The following DCUN1D4 variants were observed in gnomAD, a reference collection of about 807,000 sequenced individuals.
DCUN1D4 encodes DCN1-like protein 4.
In DCUN1D4, 22 loss-of-function variants were observed where a neutral mutation model predicts 47.9. That is an observed-to-expected ratio of 0.46 (90% CI 0.33 to 0.66). The LOEUF (loss-of-function observed/expected upper bound fraction) is 0.66, where lower values mean the gene tolerates loss of function less well. DCUN1D4 is among the 30% of genes least tolerant of loss of function. The pLI, the probability that DCUN1D4 is intolerant of heterozygous loss-of-function variation, is 0.02. For synonymous variants in DCUN1D4, 121 were observed against 112.2 expected (o/e 1.08, Z -0.50); for missense variants, 301 against 340.8 (o/e 0.88, Z 0.92).
chr4:51,898,133 A>G (rs1205180667), intron 7 of DCUN1D4, among the ~76,000 whole-genome samples: 1 of 152,156 alleles, frequency 6.6e-6, no homozygotes, highest in Non-Finnish European at 1.5e-5. Flanking sequence ...GAGGAATAGG[A>G]GATTAAAGGA....
chr4:51,838,871 T>G (rs1721561320), upstream of DCUN1D4, among the ~76,000 whole-genome samples: 1 of 152,126 alleles, frequency 6.6e-6, no homozygotes, highest in Non-Finnish European at 1.5e-5. Flanking sequence ...GGTCAGGAGT[T>G]TGAGACCATC....
At chr4:51,849,355 A>C (rs941813645) in intron 1 of DCUN1D4, among the ~76,000 whole-genome samples, 2 of 152,060 alleles carry the variant, frequency 1.3e-5, no homozygotes, top group African/African-American at 4.8e-5. Context: ...AGGCATTGTT[A>C]TGGCCAGGGG....
chr4:51,892,172 A>G (rs769952264), intron 7 of DCUN1D4, among the ~76,000 whole-genome samples: 3 of 152,254 alleles, frequency 2.0e-5, no homozygotes, highest in Non-Finnish European at 4.4e-5. Context: ...TAATAGCTAC[A>G]TGTAAAAGTA....
In DCUN1D4 at chr4:51,874,372, A is replaced by C; in HGVS notation, c.238A>C (p.Ser80Arg). The C allele has an allele frequency of 6.2e-7, 1 of 1,611,840 alleles. No homozygotes were observed. Among genetic ancestry groups the C allele is most frequent in the Non-Finnish European group, 8.5e-7 (1 of 1,178,398 alleles). Residue 80 changes from serine (S) to arginine (R), a missense_variant, in exon 4 of 11, where the codon AGT (serine) becomes CGT (arginine). Physicochemically the swap from Ser to Arg is moderately radical, Grantham distance 110. Around this residue, in one of 2 missense-constraint regions of DCUN1D4, gnomAD observed 131 missense variants for 106.3 expected, o/e 1.23. Coordinates refer to ENST00000334635, the MANE Select transcript of DCUN1D4 (RefSeq NM_001040402.3). The stretch of plus-strand genomic sequence containing the variant: ...TGGAGATGATTTATCTGCCAAGAAA[A>C]GTAGACATGATAGGTATGATGTAGA... Reference protein sequence around the residue: ...ASGDDLSAKKSRHDSMYRKYD... With the variant: ...ASGDDLSAKKRRHDSMYRKYD...
intron 4 of DCUN1D4, chr4:51,874,959 T>C (rs1727445593): frequency 3.9e-5 from 6 of 152,250 alleles, no homozygotes; most frequent in Admixed American, 3.9e-4. Flanking sequence ...TGTTTCACCC[T>C]GAGTTTAGTA....
At chr4:51,900,015 T>C (rs567354968) in intron 8 of DCUN1D4, among the ~76,000 whole-genome samples, 1 of 152,328 alleles carries the variant, frequency 6.6e-6, no homozygotes, top group East Asian at 1.9e-4. Context: ...TCATACTCAA[T>C]TCAAACAAAA....
intron 8 of DCUN1D4, among the ~76,000 whole-genome samples, chr4:51,901,671 G>A (rs1732143040): frequency 6.6e-6 from 1 of 152,138 alleles, no homozygotes; most frequent in African/African-American, 2.4e-5. Context: ...GGATTGTGCT[G>A]GTTTCAGTTA....
intron 1 of DCUN1D4, chr4:51,843,552 C>G (rs891721670): frequency 2.4e-6 from 3 of 1,232,536 alleles, no homozygotes; most frequent in Non-Finnish European, 3.0e-6. Flanking sequence ...GCTGGACGTG[C>G]GATGAAGGGC....
At chr4:51,865,059 T>C (rs757111183) in intron 3 of DCUN1D4, 5 of 226,372 alleles carry the variant, frequency 2.2e-5, no homozygotes, top group Non-Finnish European at 4.0e-5. Context: ...TTTAATTCTT[T>C]CCAGTGGAAC....
Position 51,843,251 on chromosome 4 carries a change from G to C in DCUN1D4, c.9G>C (p.Ser3=). 1.3e-6 allele frequency: 2 copies of C among 1,542,344 alleles called. No individual in the cohort carries two copies. The highest frequency in any genetic ancestry group is 1.7e-6 in the Non-Finnish European group (2 of 1,144,084). Residue 3 remains serine, a synonymous_variant, in exon 1 of 11, where the codon TCG becomes TCC. Transcript: ENST00000334635. The part of the protein sequence containing the change: MH[S]DAAAVNFQLN... ...GTGTGAGCTGCCTGAAAATGCACTC[G>C]GATGCCGCCGCTGTCAGTGAGTAGC... is the stretch of plus-strand genomic sequence containing the variant.
Position 51,899,372 on chromosome 4 carries a change from T to C in DCUN1D4, c.609T>C (p.Phe203=). Residue 203 remains phenylalanine, a synonymous_variant, in exon 8 of 11, where the codon TTT becomes TTC. Coordinates refer to ENST00000334635, the MANE Select transcript of DCUN1D4 (RefSeq NM_001040402.3). ...FKLIYRYAFD[F]AREKDQRSLD... is the part of the protein sequence containing the mutation. ...TTATTTACAGATATGCGTTTGACTT[T>C]GCACGGGTGAGTTCTCTGGAGCCTA... is the stretch of plus-strand genomic sequence containing the variant. 2 of 1,605,980 alleles carry C rather than the reference T, an allele frequency of 1.2e-6. No homozygotes were observed. Among genetic ancestry groups the C allele is most frequent in the Non-Finnish European group, 1.7e-6 (2 of 1,176,288 alleles).
chr4:51,911,928 T>G (rs1414156453), intron 9 of DCUN1D4, among the ~76,000 whole-genome samples: 3 of 152,150 alleles, frequency 2.0e-5, no homozygotes, highest in Non-Finnish European at 2.9e-5. Context: ...GTGTTGGGTC[T>G]TTGAGAAAAT....
intron 6 of DCUN1D4, among the ~76,000 whole-genome samples, chr4:51,889,156 G>A (rs1308015915): frequency 6.6e-6 from 1 of 152,122 alleles, no homozygotes; most frequent in African/African-American, 2.4e-5. Flanking sequence ...TATACTGTAT[G>A]TACTTCAATT....
chr4:51,891,869 C>G lies in DCUN1D4; in HGVS notation c.506+18C>G, dbSNP rs1381265212. The stretch of plus-strand genomic sequence containing the variant: ...TCTCTCCAGTAAGTCCTAGGCTGCA[C>G]TAGTGGGGGTCCCTGCCCTTCCCAG... On this transcript the variant is annotated intron_variant, in intron 7 of 10. Coordinates refer to ENST00000334635, the MANE Select transcript of DCUN1D4 (RefSeq NM_001040402.3). 6.3e-7 allele frequency: 1 copy of G among 1,575,106 alleles called. No homozygotes were observed. Among genetic ancestry groups the G allele is most frequent in the Non-Finnish European group, 8.7e-7 (1 of 1,154,286 alleles).
In DCUN1D4 at chr4:51,913,552, G is replaced by T; in HGVS notation, c.847G>T (p.Val283Leu). ...GAWPVLLDEFVEWYKDKQMS is the reference protein window; with the variant it reads ...GAWPVLLDEFLEWYKDKQMS ...AGGGCCAGTTTTGTTGGACGAGTTT[G>T]TGGAGTGGTATAAAGACAAACAGAT... Residue 283 changes from valine (V) to leucine (L), a missense_variant, in exon 11 of 11, where the codon GTG (valine) becomes TTG (leucine). Transcript: ENST00000334635. 1 of 1,612,944 alleles carries T rather than the reference G, an allele frequency of 6.2e-7. No individual in the cohort carries two copies. The highest frequency in any genetic ancestry group is 8.5e-7 in the Non-Finnish European group (1 of 1,179,288).
rs1404580260 is a variant in DCUN1D4, at chr4:51,886,736, T to C, written c.414+98T>C. On this transcript the variant is annotated intron_variant, in intron 6 of 10. Coordinates refer to ENST00000334635, the MANE Select transcript of DCUN1D4 (RefSeq NM_001040402.3). ...TAAATAAATAATTAAAAAGTAGTGG[T>C]ATGTTAGTTTTTATGAAGCAGTCTA... The C allele has an allele frequency of 5.9e-6, 6 of 1,013,284 alleles. No individual in the cohort carries two copies. The Admixed American group carries it at 1.2e-4, about 21-fold the overall frequency. 62.8% of individuals were successfully genotyped at this position (1,013,284 alleles called of 1,614,324 possible). A position where few individuals can be genotyped will look rare whatever the true frequency, so the allele number is the denominator to read the frequency against.
upstream of DCUN1D4, among the ~76,000 whole-genome samples, chr4:51,838,442 C>T (rs1199852267): frequency 6.6e-6 from 1 of 152,040 alleles, no homozygotes; most frequent in African/African-American, 2.4e-5. Context: ...AGTGCAGTGG[C>T]GTGATCTCAG....
chr4:51,867,730 G>C (rs1440403246), intron 3 of DCUN1D4, among the ~76,000 whole-genome samples: 2 of 152,226 alleles, frequency 1.3e-5, no homozygotes, highest in African/African-American at 4.8e-5. Context: ...AGCTGGCCTG[G>C]AAAAAGCACC....
intron 1 of DCUN1D4, among the ~76,000 whole-genome samples, chr4:51,852,083 T>TG (rs1409423685): frequency 6.6e-5 from 10 of 152,232 alleles, no homozygotes; most frequent in African/African-American, 2.4e-4. Flanking sequence ...GATTATCTCT[T>TG]GGTTCTTTTC....
Sources: allele counts gnomAD v4.1 joint callset (sites outside exome capture counted in the v4.1 genomes callset), GRCh38; gene constraint gnomAD v4.1.1; regional missense constraint gnomAD v4.1.1; transcripts MANE v1.5; gene names NCBI Gene and HGNC (gene_info 2026-07-23, HGNC 2026-07-21).